The following SV2C variants were observed in gnomAD, a reference collection of about 807,000 sequenced individuals.
The protein encoded by SV2C is synaptic vesicle glycoprotein 2C, also known as solute carrier family 22 member B3.
A neutral mutation model predicts 79.7 loss-of-function variants in SV2C; 49 were observed. The observed-to-expected ratio is 0.61, with a 90% CI of 0.49 to 0.78. The LOEUF is 0.78. SV2C is among the 30% of genes least tolerant of loss of function. SV2C has a pLI of 0.00. For synonymous variants in SV2C, 334 were observed against 333.2 expected (o/e 1.00, Z -0.03); for missense variants, 833 against 912.9 (o/e 0.91, Z 1.13).
intron 3 of SV2C, among the ~76,000 whole-genome samples, chr5:76,199,380 G>C (rs1175858435): frequency 2.6e-5 from 4 of 152,156 alleles, no homozygotes; most frequent in African/African-American, 9.7e-5. Flanking sequence ...TTTCCTAGGA[G>C]TACAGTACTT....
the SV2C span, among the ~76,000 whole-genome samples, chr5:76,069,657 G>A: frequency 2.0e-5 from 3 of 152,152 alleles, no homozygotes; most frequent in Non-Finnish European, 4.4e-5. Context: ...TCTAAAGGCA[G>A]AGCCTGAAAA....
At chr5:75,852,587 G>A in the SV2C span, among the ~76,000 whole-genome samples, 7 of 152,158 alleles carry the variant, frequency 4.6e-5, no homozygotes, top group South Asian at 4.1e-4. Context: ...GCAAAATGAA[G>A]ACATTTTCAG....
At chr5:76,203,852 G>A (rs1428308811) in intron 3 of SV2C, among the ~76,000 whole-genome samples, 1 of 152,178 alleles carries the variant, frequency 6.6e-6, no homozygotes, top group African/African-American at 2.4e-5. Flanking sequence ...GAAGACTAAA[G>A]CTACCCAAAT....
chr5:75,984,375 G>C, the SV2C span, among the ~76,000 whole-genome samples: 3 of 152,096 alleles, frequency 2.0e-5, no homozygotes, highest in Admixed American at 6.6e-5. Flanking sequence ...GCTAGGCTAG[G>C]TGCTTTGCCT....
At chr5:76,030,266 G>GGTTTTTTTTTTTTTTTTTTTTTTTTTTT in the SV2C span, among the ~76,000 whole-genome samples, 6 of 31,978 alleles carry the variant, frequency 1.9e-4, 1 homozygote, top group African/African-American at 8.7e-4. Flanking sequence ...TCAGAGGCTT[G>GGTTTTTTTTTTTTTTTTTTTTTTTTTTT]TTTTTTTTTT....
the SV2C span, among the ~76,000 whole-genome samples, chr5:75,898,134 C>T: frequency 6.6e-6 from 1 of 152,190 alleles, no homozygotes. Flanking sequence ...AGAGGGCATC[C>T]CTGTCTTGTG....
intron 3 of SV2C, among the ~76,000 whole-genome samples, chr5:76,205,902 G>C (rs1416551361): frequency 1.3e-5 from 2 of 152,052 alleles, no homozygotes; most frequent in African/African-American, 4.8e-5. Flanking sequence ...CAGCCCCCAA[G>C]GTATGACAAC....
chr5:76,022,480 C>T, the SV2C span, among the ~76,000 whole-genome samples: 1 of 152,192 alleles, frequency 6.6e-6, no homozygotes, highest in South Asian at 2.1e-4. Flanking sequence ...CTCCTTTATA[C>T]CAGCTAAAAT....
At chr5:76,312,206 C>G (rs1748466109) in intron 12 of SV2C, among the ~76,000 whole-genome samples, 1 of 151,784 alleles carries the variant, frequency 6.6e-6, no homozygotes, top group Non-Finnish European at 1.5e-5. Flanking sequence ...TGGCTGTGGC[C>G]AAGTCCCCTG....
At chr5:76,345,636 T>A (rs927244178) in intron 12 of SV2C, among the ~76,000 whole-genome samples, 1 of 152,238 alleles carries the variant, frequency 6.6e-6, no homozygotes, top group Non-Finnish European at 1.5e-5. Context: ...ATTTCCAAAG[T>A]ACTCTTTCAT....
At chr5:76,016,090 G>A in the SV2C span, among the ~76,000 whole-genome samples, 2 of 151,762 alleles carry the variant, frequency 1.3e-5, no homozygotes, top group Non-Finnish European at 2.9e-5. Context: ...ATTAAGACTA[G>A]TCTCTCTCCA....
At chr5:76,003,824 G>A in the SV2C span, among the ~76,000 whole-genome samples, 1 of 152,050 alleles carries the variant, frequency 6.6e-6, no homozygotes, top group Non-Finnish European at 1.5e-5. Context: ...GCCATAGGGT[G>A]TGGAGCTCAG....
the SV2C span, among the ~76,000 whole-genome samples, chr5:76,040,798 G>A: frequency 6.6e-6 from 1 of 152,192 alleles, no homozygotes; most frequent in South Asian, 2.1e-4. Context: ...GCTACCTTGA[G>A]TAGTCACAGG....
the SV2C span, among the ~76,000 whole-genome samples, chr5:75,971,964 G>A: frequency 6.6e-6 from 1 of 152,060 alleles, no homozygotes; most frequent in African/African-American, 2.4e-5. Flanking sequence ...CATGGTACTG[G>A]TACCAAAACA....
intron 4 of SV2C, among the ~76,000 whole-genome samples, chr5:76,224,868 A>G (rs1264791372): frequency 2.6e-5 from 4 of 152,190 alleles, no homozygotes; most frequent in African/African-American, 7.2e-5. Flanking sequence ...ATAACCTACC[A>G]TCAGAGGCAT....
At chr5:76,336,106 C>T (rs567426418), downstream of SV2C, among the ~76,000 whole-genome samples, 1 of 87,204 alleles carries the variant, frequency 1.1e-5, no homozygotes, top group South Asian at 3.1e-4. Context: ...GGGTCTGACC[C>T]CCCCCACCTC....
chr5:75,899,617 C>T, the SV2C span, among the ~76,000 whole-genome samples: 17 of 151,908 alleles, frequency 1.1e-4, no homozygotes, highest in East Asian at 3.9e-4. Flanking sequence ...TTCCTGGGTA[C>T]CCTTGTTAAC....
At chr5:75,918,421 C>A in the SV2C span, among the ~76,000 whole-genome samples, 89 of 152,286 alleles carry the variant, frequency 5.8e-4, no homozygotes, top group African/African-American at 1.9e-3. Flanking sequence ...ATTTCAATGA[C>A]AATTTGGTGT....
the SV2C span, among the ~76,000 whole-genome samples, chr5:76,006,424 T>C: frequency 3.3e-5 from 5 of 152,186 alleles, no homozygotes; most frequent in African/African-American, 1.2e-4. Context: ...CAGTGTACAA[T>C]ATGGGGGCAG....
Sources: gnomAD v4.1 joint callset for allele counts (sites outside exome capture counted in the v4.1 genomes callset) on GRCh38, gnomAD v4.1.1 for gene constraint, MANE v1.5 for transcripts, NCBI Gene and HGNC (gene_info 2026-07-23, HGNC 2026-07-21) for gene names.